Variants in HDAC7 observed in about 807,000 individuals in gnomAD.
HDAC7 encodes the protein histone deacetylase 7A.
Under a neutral mutation model 115.5 loss-of-function variants are expected in HDAC7, and 26 were observed. The ratio of observed to expected loss-of-function variants is 0.23; its 90% CI spans 0.16 to 0.31. The LOEUF (loss-of-function observed/expected upper bound fraction) is 0.31, where lower values mean the gene tolerates loss of function less well. Ranked by LOEUF, HDAC7 falls within the 10% of genes least tolerant of loss-of-function variation. The pLI, the probability that HDAC7 is intolerant of heterozygous loss-of-function variation, is 1.00. For synonymous variants in HDAC7, 564 were observed against 550.9 expected (o/e 1.02, Z -0.33); for missense variants, 1,068 against 1,329.0 (o/e 0.80, Z 3.05).
At chr12:47,792,363 G>C in intron 13 of HDAC7, 1 of 381,124 alleles carries the variant, frequency 2.6e-6, no homozygotes, top group South Asian at 2.6e-5. Context: ...AAAGCATGAG[G>C]CCTAACGTAC....
upstream of HDAC7, among the ~76,000 whole-genome samples, chr12:47,820,173 C>T (rs1373386361): frequency 6.6e-6 from 1 of 151,268 alleles, no homozygotes; most frequent in African/African-American, 2.4e-5. The surrounding 1 kb of genome is among the most constrained non-coding windows in gnomAD (Gnocchi z 4.3). Flanking sequence ...GCCGCGGCTC[C>T]GAGCCCCAGC....
At chr12:47,808,300 G>A (rs1360174156) in intron 1 of HDAC7, among the ~76,000 whole-genome samples, 1 of 152,196 alleles carries the variant, frequency 6.6e-6, no homozygotes, top group Non-Finnish European at 1.5e-5. Flanking sequence ...GCAGTGGCCT[G>A]AGCTGGGAGC....
chr12:47,802,876 G>A (rs1209259211), intron 1 of HDAC7, among the ~76,000 whole-genome samples: 1 of 152,176 alleles, frequency 6.6e-6, no homozygotes, highest in African/African-American at 2.4e-5. Context: ...GAACTGTGAA[G>A]TGATAAGGTC....
At chr12:47,805,689 T>A (rs1458067983) in intron 1 of HDAC7, among the ~76,000 whole-genome samples, 1 of 152,172 alleles carries the variant, frequency 6.6e-6, no homozygotes, top group Non-Finnish European at 1.5e-5. Context: ...GAGGATCTGC[T>A]CCTCTTCCAG....
At chr12:47,788,341 G>C (rs1943287937) in intron 19 of HDAC7, 177 bp from the exon 20 acceptor site, 2 of 645,684 alleles carry the variant, frequency 3.1e-6, no homozygotes, top group Admixed American at 7.1e-5. Flanking sequence ...GCCCGGCTCT[G>C]AACCTCGGCC....
At chr12:47,811,245 G>A (rs947883658) in intron 1 of HDAC7, among the ~76,000 whole-genome samples, 13 of 152,282 alleles carry the variant, frequency 8.5e-5, no homozygotes, top group African/African-American at 2.9e-4. Context: ...GATTCTCCAC[G>A]TGACCTGATT....
In HDAC7 at chr12:47,814,248, C is replaced by G. The variant is rs558915170; in HGVS notation, c.19+5519G>C. On this transcript the variant is annotated intron_variant, in intron 1 of 25. Transcript: ENST00000080059. ...TCCCAGCCTCCATCCTCCCTTGAGC[C>G]CTGTCCTCTCTGGTCCCAACCCCAG... Among the ~76,000 whole-genome samples, 5 of 152,290 alleles carry G rather than the reference C, an allele frequency of 3.3e-5. No individual in the cohort carries two copies. The South Asian group carries it at 8.3e-4, about 25-fold the overall frequency.
intron 1 of HDAC7, among the ~76,000 whole-genome samples, chr12:47,815,559 T>G (rs575341150): frequency 2.6e-5 from 4 of 152,264 alleles, no homozygotes; most frequent in African/African-American, 9.6e-5. Context: ...AAATCTGGAT[T>G]CCCAGGCCCC....
intron 2 of HDAC7, among the ~76,000 whole-genome samples, chr12:47,799,500 T>G (rs542323154): frequency 1.3e-5 from 2 of 152,282 alleles, no homozygotes; most frequent in African/African-American, 4.8e-5. Flanking sequence ...CCTCCCATGC[T>G]CTATCCCCAG....
At chr12:47,799,915 C>A (rs980917400) in intron 2 of HDAC7, among the ~76,000 whole-genome samples, 16 of 152,292 alleles carry the variant, frequency 1.1e-4, no homozygotes, top group African/African-American at 3.8e-4. Context: ...AGGCCGGCCC[C>A]ATGGGAGGGC....
chr12:47,789,399 C>G (rs1943357771), intron 18 of HDAC7, 51 bp from the exon 19 acceptor site: 1 of 1,578,802 alleles, frequency 6.3e-7, no homozygotes, highest in Non-Finnish European at 8.7e-7. Flanking sequence ...ATGCCCTCAC[C>G]TCCCCAGGCC....
chr12:47,791,807 C>CCCCCCCCCCCCCCCCCCA, intron 14 of HDAC7, 64 bp downstream of exon 14: 1 of 1,532,682 alleles, frequency 6.5e-7, no homozygotes, highest in Admixed American at 1.9e-5. Flanking sequence ...CAGGGCCCCC[C>CCCCCCCCCCCCCCCCCCA]ACCCCTCCCC....
chr12:47,783,807 A>G lies in HDAC7; in HGVS notation c.*34T>C. 1.2e-6 allele frequency: 2 copies of G among 1,603,384 alleles called. No individual in the cohort carries two copies. The highest frequency in any genetic ancestry group is 1.7e-6 in the Non-Finnish European group (2 of 1,174,468). The stretch of plus-strand genomic sequence containing the variant: ...GGGGTTAGAAGAGAACCAGGTCCCA[A>G]GGGCATGGTGGGCGGGCAGATGGTT... On this transcript the variant is annotated 3_prime_UTR_variant, in exon 26 of 26. Transcript: ENST00000080059.
chr12:47,786,609 C>G lies in HDAC7; in HGVS notation c.2548G>C (p.Gly850Arg), dbSNP rs1177445986. Reference sequence around the variant, plus strand: ...CATTTGGCAGAAACATGGTAGCCACCCAGTGGGGCCGGGTGACCCTCAGCA... The same window carrying G: ...CATTTGGCAGAAACATGGTAGCCACGCAGTGGGGCCGGGTGACCCTCAGCA... Reference protein sequence around the residue: ...DAAEGHPAPLGGYHVSAKCFG... With the variant: ...DAAEGHPAPLRGYHVSAKCFG... The change falls in exon 22 of 26, where the codon GGT becomes CGT. Residue 850 changes from glycine to arginine, a missense_variant. Coordinates refer to ENST00000080059, the MANE Select transcript of HDAC7 (RefSeq NM_015401.5). 1.2e-6 allele frequency: 2 copies of G among 1,613,722 alleles called. No individual in the cohort carries two copies. The highest frequency in any genetic ancestry group is 8.5e-7 in the Non-Finnish European group (1 of 1,179,718).
chr12:47,793,655 G>T lies in HDAC7; in HGVS notation c.1459-67C>A. ...CCTGCTCCCTCTACTTCTGCCTGAG[G>T]TCTTGGGAACTGCCAAGCAGGCCCC... On this transcript the variant is annotated intron_variant, in intron 12 of 25. Coordinates refer to ENST00000080059, the MANE Select transcript of HDAC7 (RefSeq NM_015401.5). The surrounding 1 kb of genome is among the most constrained non-coding windows in gnomAD (Gnocchi z 4.5). 2 of 1,293,872 alleles carry T rather than the reference G, an allele frequency of 1.5e-6. No individual in the cohort carries two copies. Among genetic ancestry groups the T allele is most frequent in the Non-Finnish European group, 1.0e-6 (1 of 955,928 alleles). 80.1% of individuals were successfully genotyped at this position (1,293,872 alleles called of 1,614,324 possible).
rs376800620 is a variant in HDAC7, at chr12:47,795,542, G to A, written c.1087+45C>T. 5.9e-6 allele frequency: 9 copies of A among 1,536,440 alleles called. No homozygotes were observed. The African/African-American group carries it at 1.1e-4, about 19-fold the overall frequency. On this transcript the variant is annotated intron_variant, in intron 10 of 25. Transcript: ENST00000080059. The surrounding 1 kb of genome is among the most constrained non-coding windows in gnomAD (Gnocchi z 4.3). ...TCCATCCCAAGCTTGGCTCTTAGCA[G>A]GGTGCAGGGACCCAGCCCCTTCCCT...
intron 24 of HDAC7, 79 bp downstream of exon 24, chr12:47,785,308 A>G: frequency 8.1e-7 from 1 of 1,240,592 alleles, no homozygotes; most frequent in Non-Finnish European, 1.1e-6. Context: ...CGGAAGCCCT[A>G]GGATCTGGCC....
chr12:47,787,903 T>G (rs1388455363), intron 20 of HDAC7, 94 bp from the exon 21 acceptor site: 1 of 1,528,952 alleles, frequency 6.5e-7, no homozygotes. Context: ...TCATCCAGCC[T>G]CCCCATTTCC....
rs373121556 is a variant in HDAC7 at position 47,797,855 on chromosome 12, G to GGTGTGT, written c.461+247_461+252dup. The stretch of plus-strand genomic sequence containing the variant: ...TCATGTGCAAGAAAAAAGCCAGTAG[G>GGTGTGT]GTGTGTGTGTGTGTGTGTGTGTGTG... On this transcript the variant is annotated intron_variant, in intron 5 of 25. Transcript: ENST00000080059. The surrounding 1 kb of genome is among the most constrained non-coding windows in gnomAD (Gnocchi z 5.5). Among the ~76,000 whole-genome samples the GGTGTGT allele has an allele frequency of 0.11, 13,641 of 123,774 alleles. 940 individuals are homozygous for GGTGTGT. Among genetic ancestry groups the GGTGTGT allele is most frequent in the Admixed American group, 0.22 (2,770 of 12,406 alleles). 81.2% of individuals were successfully genotyped at this position (123,774 alleles called of 152,430 possible). A position where few individuals can be genotyped will look rare whatever the true frequency, so the allele number is the denominator to read the frequency against.
Sources: gnomAD v4.1 joint callset for allele counts (sites outside exome capture counted in the v4.1 genomes callset) on GRCh38, gnomAD v4.1.1 for gene constraint, Gnocchi (gnomAD v3.1) non-coding constraint, MANE v1.5 for transcripts, NCBI Gene and HGNC (gene_info 2026-07-23, HGNC 2026-07-21) for gene names.